Variants in TBX4 observed in about 807,000 individuals in gnomAD.
TBX4 encodes the protein T-box transcription factor TBX4.
TBX4 carries 13 observed loss-of-function variants against 54.6 expected under a neutral mutation model. The observed-to-expected ratio is 0.24, with a 90% CI of 0.15 to 0.38. TBX4 has a LOEUF of 0.38. Among genes scored for constraint, TBX4 ranks in the 10% least tolerant of loss-of-function variants. The pLI, the probability that TBX4 is intolerant of heterozygous loss-of-function variation, is 1.00. For synonymous variants in TBX4, 314 were observed against 306.7 expected (o/e 1.02, Z -0.25); for missense variants, 631 against 728.5 (o/e 0.87, Z 1.54).
Position 61,483,907 on chromosome 17 carries a change from T to G in TBX4, c.*391T>G, listed in dbSNP as rs1469515259. ...GGGAGTTCTCTCCCATGGGGAAAGATTCTCACTGCTGGGGTGGGAAGATTC... is the reference window on the plus strand; with the variant it reads ...GGGAGTTCTCTCCCATGGGGAAAGAGTCTCACTGCTGGGGTGGGAAGATTC... On this transcript the variant is annotated 3_prime_UTR_variant, in exon 9 of 9. Coordinates refer to ENST00000644296, the MANE Select transcript of TBX4 (RefSeq NM_001321120.2). The surrounding 1 kb of genome is among the most constrained non-coding windows in gnomAD (Gnocchi z 6.6). 2 of 269,176 alleles carry G rather than the reference T, an allele frequency of 7.4e-6. No individual in the cohort carries two copies. The highest frequency in any genetic ancestry group is 4.7e-5 in the Admixed American group (1 of 21,460). The allele number at this position is 269,176 out of a possible 1,614,324, so 16.7% of individuals were successfully genotyped here.
rs538667339 is a variant in TBX4 at position 61,465,790 on chromosome 17, C to T, written c.282-29C>T. 1.8e-5 allele frequency: 29 copies of T among 1,613,304 alleles called. No individual in the cohort carries two copies. The highest frequency in any genetic ancestry group is 4.5e-5 in the East Asian group (2 of 44,838). ...CATCTCTCCTGGTGCTCTGTCCACACGCTCCGCCTCACCCCTCGGCTCCCC... is the reference window on the plus strand; with the variant it reads ...CATCTCTCCTGGTGCTCTGTCCACATGCTCCGCCTCACCCCTCGGCTCCCC... On this transcript the variant is annotated intron_variant, in intron 3 of 8. Coordinates refer to ENST00000644296, the MANE Select transcript of TBX4 (RefSeq NM_001321120.2). This position sits in a 1 kb window ranked among gnomAD's most constrained non-coding sequence, Gnocchi z 4.9.
At position 61,457,487 on chromosome 17, in the gene TBX4, G is replaced by A. The variant is rs1035527679; in HGVS notation, c.187-50G>A. 2 of 1,566,764 alleles carry A rather than the reference G, an allele frequency of 1.3e-6. No homozygotes were observed. The highest frequency in any genetic ancestry group is 1.4e-5 in the African/African-American group (1 of 74,072). On this transcript the variant is annotated intron_variant, in intron 2 of 8. Transcript: ENST00000644296. The surrounding 1 kb of genome is among the most constrained non-coding windows in gnomAD (Gnocchi z 8.2). ...TGGTTCTTCTTTCCTCAGGCTCCGC[G>A]TGGAGCCCTGGGCCTGGCAGACACA...
chr17:61,470,541 G>T (rs2060569439), intron 5 of TBX4, among the ~76,000 whole-genome samples: 1 of 151,120 alleles, frequency 6.6e-6, no homozygotes, highest in East Asian at 1.9e-4. Context: ...GGTTTTTGCT[G>T]TGGGATTAGG....
At position 61,478,940 on chromosome 17, in the gene TBX4, A is replaced by G. The variant is rs1236967935; in HGVS notation, c.702+161A>G. The stretch of plus-strand genomic sequence containing the variant: ...CTAGAGTCCCTCGGAGCCGCGAGCA[A>G]ATCGAATGATGAACAGAAAAGGACC... On this transcript the variant is annotated intron_variant, in intron 6 of 8. Coordinates refer to ENST00000644296, the MANE Select transcript of TBX4 (RefSeq NM_001321120.2). This position sits in a 1 kb window ranked among gnomAD's most constrained non-coding sequence, Gnocchi z 7.4. Among the ~76,000 whole-genome samples the G allele has an allele frequency of 6.6e-6, 1 of 152,240 alleles. No homozygotes were observed. Among genetic ancestry groups the G allele is most frequent in the African/African-American group, 2.4e-5 (1 of 41,466 alleles).
intron 1 of TBX4, among the ~76,000 whole-genome samples, chr17:61,453,533 T>C (rs1191532107): frequency 6.6e-6 from 1 of 152,212 alleles, no homozygotes; most frequent in African/African-American, 2.4e-5. Context: ...TGACAATTTA[T>C]GACCAATGTA....
chr17:61,466,340 C>G (rs1251393733), intron 4 of TBX4, among the ~76,000 whole-genome samples: 2 of 152,152 alleles, frequency 1.3e-5, no homozygotes, highest in South Asian at 2.1e-4. Context: ...TAAGGGCAAG[C>G]CATTACCTGC....
At chr17:61,458,524 A>G (rs1039576058) in intron 3 of TBX4, among the ~76,000 whole-genome samples, 1 of 152,128 alleles carries the variant, frequency 6.6e-6, no homozygotes, top group Non-Finnish European at 1.5e-5. Context: ...GATGTGTCTC[A>G]TAATTGGGAT....
intron 5 of TBX4, among the ~76,000 whole-genome samples, chr17:61,477,941 C>CAAAAAAAAAAAAAAAAAGAAAAAA (rs2060633020): frequency 1.1e-5 from 1 of 88,666 alleles, no homozygotes; most frequent in African/African-American, 4.0e-5. Flanking sequence ...GATTCCATCT[C>CAAAAAAAAAAAAAAAAAGAAAAAA]AAAAAAAAAA....
chr17:61,481,178 C>T lies in TBX4; in HGVS notation c.1021+859C>T, dbSNP rs2060660982. 1 of 152,134 alleles carries T rather than the reference C, an allele frequency of 6.6e-6. No individual in the cohort carries two copies. Among genetic ancestry groups the T allele is most frequent in the African/African-American group, 2.4e-5 (1 of 41,406 alleles). The allele number at this position is 152,134 out of a possible 1,614,324, so 9.4% of individuals were successfully genotyped here. A position where few individuals can be genotyped will look rare whatever the true frequency, so the allele number is the denominator to read the frequency against. ...CTGTGGCCTTCGGACCTAACCCAGC[C>T]TGCTACCTGTACAAAATAGTTTTTA... On this transcript the variant is annotated intron_variant, in intron 8 of 8. Transcript: ENST00000644296. This position sits in a 1 kb window ranked among gnomAD's most constrained non-coding sequence, Gnocchi z 4.8.
At chr17:61,467,074 G>A (rs1027099659) in intron 4 of TBX4, among the ~76,000 whole-genome samples, 3 of 152,104 alleles carry the variant, frequency 2.0e-5, no homozygotes, top group African/African-American at 7.2e-5. Context: ...CAGAAGGATT[G>A]CTTGAGCCCA....
intron 3 of TBX4, among the ~76,000 whole-genome samples, chr17:61,458,030 A>AAAT: frequency 6.6e-6 from 1 of 152,248 alleles, no homozygotes; most frequent in East Asian, 1.9e-4. Context: ...GGGGAGAGGG[A>AAAT]AATAGACTAT....
Position 61,475,234 on chromosome 17 carries a change from C to T in TBX4, c.550-3393C>T, listed in dbSNP as rs974612841. On this transcript the variant is annotated intron_variant, in intron 5 of 8. Coordinates refer to ENST00000644296, the MANE Select transcript of TBX4 (RefSeq NM_001321120.2). The surrounding 1 kb of genome is among the most constrained non-coding windows in gnomAD (Gnocchi z 5.0). ...CCTAGTCATCAGGGACTTTGTCTGACGGGCTAAGGAGTTTGGCCTTTATTC... is the reference window on the plus strand; with the variant it reads ...CCTAGTCATCAGGGACTTTGTCTGATGGGCTAAGGAGTTTGGCCTTTATTC... Among the ~76,000 whole-genome samples the T allele has an allele frequency of 5.9e-5, 9 of 152,286 alleles. No homozygotes were observed. Among genetic ancestry groups the T allele is most frequent in the East Asian group, 3.9e-4 (2 of 5,184 alleles).
chr17:61,478,569 A>G lies in TBX4; in HGVS notation c.550-58A>G, dbSNP rs2143856515. 1 of 1,612,036 alleles carries G rather than the reference A, an allele frequency of 6.2e-7. No individual in the cohort carries two copies. Among genetic ancestry groups the G allele is most frequent in the Non-Finnish European group, 8.5e-7 (1 of 1,178,124 alleles). The stretch of plus-strand genomic sequence containing the variant: ...GGCCAGGGCCAGAAGAATGAGGTCA[A>G]GGGCCTGGGGCTTGCGGATGGGGAC... On this transcript the variant is annotated intron_variant, in intron 5 of 8. Coordinates refer to ENST00000644296, the MANE Select transcript of TBX4 (RefSeq NM_001321120.2). This position sits in a 1 kb window ranked among gnomAD's most constrained non-coding sequence, Gnocchi z 7.4.
intron 5 of TBX4, among the ~76,000 whole-genome samples, chr17:61,477,683 G>A (rs758818006): frequency 7.2e-5 from 11 of 152,246 alleles, no homozygotes; most frequent in Non-Finnish European, 1.5e-4. Flanking sequence ...GCTCACGCCT[G>A]TAATCCCAGC....
At position 61,462,247 on chromosome 17, in the gene TBX4, T is replaced by C. The variant is rs1040610734; in HGVS notation, c.282-3572T>C. 5.3e-5 allele frequency among the ~76,000 whole-genome samples: 8 copies of C among 152,150 alleles called. No homozygotes were observed. The highest frequency in any genetic ancestry group is 1.9e-4 in the African/African-American group (8 of 41,436). On this transcript the variant is annotated intron_variant, in intron 3 of 8. Transcript: ENST00000644296. This position sits in a 1 kb window ranked among gnomAD's most constrained non-coding sequence, Gnocchi z 4.5. ...GCTCCGCACCCTTTCAGAGCCTGTT[T>C]CATGATCAGAGGAGAAGCCCCGGGC...
Position 61,479,797 on chromosome 17 carries a change from T to C in TBX4, c.703-84T>C, listed in dbSNP as rs938129559. 19 of 1,384,816 alleles carry C rather than the reference T, an allele frequency of 1.4e-5. No individual in the cohort carries two copies. In the African/African-American group the frequency reaches 2.3e-4, roughly 17 times the overall value. 85.8% of individuals were successfully genotyped at this position (1,384,816 alleles called of 1,614,324 possible). On this transcript the variant is annotated intron_variant, in intron 6 of 8. Transcript: ENST00000644296. This position sits in a 1 kb window ranked among gnomAD's most constrained non-coding sequence, Gnocchi z 6.1. The stretch of plus-strand genomic sequence containing the variant: ...CGACCCCTGAGGGAGGGAGGTTACA[T>C]GTTATGATCCCATTTACAAATGTGG...
At position 61,466,161 on chromosome 17, in the gene TBX4, G is replaced by A. The variant is rs3744445; in HGVS notation, c.401+223G>A. ...TGGGTTTGGGCTGAAAAGCAGCTGC[G>A]TGTTTGGGAGTTTGGTGGATCGCAA... On this transcript the variant is annotated intron_variant, in intron 4 of 8. Coordinates refer to ENST00000644296, the MANE Select transcript of TBX4 (RefSeq NM_001321120.2). Among the ~76,000 whole-genome samples the A allele has an allele frequency of 0.092, 14,039 of 152,196 alleles. 756 individuals are homozygous for A. The highest frequency in any genetic ancestry group is 0.2 in the East Asian group (1,028 of 5,160).
chr17:61,458,707 TACATTGTATGTAAAGCACCA>T (rs1217973186), intron 3 of TBX4, among the ~76,000 whole-genome samples: 4 of 152,222 alleles, frequency 2.6e-5, no homozygotes, highest in Non-Finnish European at 5.9e-5. Flanking sequence ...TCTTGCCTCA[TACATTGTATGTAAAGCACCA>T]AGTTCCTGTC....
chr17:61,472,442 G>A lies in TBX4; in HGVS notation c.549+4785G>A, dbSNP rs932593365. Among the ~76,000 whole-genome samples, 9 of 152,092 alleles carry A rather than the reference G, an allele frequency of 5.9e-5. No homozygotes were observed. Among genetic ancestry groups the A allele is most frequent in the South Asian group, 2.1e-4 (1 of 4,822 alleles). ...TCTTTTAATAAATTTCCTCTCCTGC[G>A]AACTGCTGTTCTCATCCTTTGCTCA... On this transcript the variant is annotated intron_variant, in intron 5 of 8. Transcript: ENST00000644296. The surrounding 1 kb of genome is among the most constrained non-coding windows in gnomAD (Gnocchi z 4.5).
Sources: allele counts gnomAD v4.1 joint callset (sites outside exome capture counted in the v4.1 genomes callset), GRCh38; gene constraint gnomAD v4.1.1; non-coding constraint Gnocchi (gnomAD v3.1); transcripts MANE v1.5; gene names NCBI Gene and HGNC (gene_info 2026-07-23, HGNC 2026-07-21).